GUCY1B1: variants seen among roughly 807,000 people sequenced by gnomAD.
GUCY1B1 encodes the protein guanylate cyclase 1 soluble subunit beta 1, also known as guanylate cyclase soluble subunit beta-1.
Under a neutral mutation model 71.0 loss-of-function variants are expected in GUCY1B1, and 43 were observed. The observed-to-expected ratio is 0.61, with a 90% CI of 0.47 to 0.78. The LOEUF (loss-of-function observed/expected upper bound fraction) is 0.78. GUCY1B1 is among the 30% of genes least tolerant of loss of function. The probability of loss-of-function intolerance (pLI) is 0.00; values close to 1 mark genes in which losing one functional copy is unlikely to be tolerated. For missense variants in GUCY1B1, 535 were observed against 754.1 expected (o/e 0.71, Z 3.40); for synonymous variants, 266 against 259.7 (o/e 1.02, Z -0.23).
At chr4:155,782,183 C>A (rs1332393877) in intron 4 of GUCY1B1, among the ~76,000 whole-genome samples, 1 of 152,146 alleles carries the variant, frequency 6.6e-6, no homozygotes, top group African/African-American at 2.4e-5. Context: ...TCACGCCATT[C>A]TACTGCCTCA....
chr4:155,780,162 T>A (rs938349349), intron 4 of GUCY1B1, among the ~76,000 whole-genome samples: 2 of 152,156 alleles, frequency 1.3e-5, no homozygotes, highest in Non-Finnish European at 2.9e-5. Flanking sequence ...CACTGGAAAC[T>A]GTCAAAATAT....
intron 8 of GUCY1B1, among the ~76,000 whole-genome samples, chr4:155,797,225 G>A (rs898770809): frequency 3.3e-5 from 5 of 152,104 alleles, no homozygotes; most frequent in Non-Finnish European, 7.4e-5. Context: ...TCATAATTTT[G>A]TATAAACAAA....
At chr4:155,759,706 G>A in intron 1 of GUCY1B1, 81 bp from the exon 2 acceptor site, 1 of 966,770 alleles carries the variant, frequency 1.0e-6, no homozygotes, top group Non-Finnish European at 1.6e-6. Context: ...CGCCATGGGA[G>A]CAGAGGCAGC....
chr4:155,768,365 A>G (rs1375441224), intron 2 of GUCY1B1, among the ~76,000 whole-genome samples: 1 of 151,936 alleles, frequency 6.6e-6, no homozygotes, highest in Non-Finnish European at 1.5e-5. Flanking sequence ...GACAAATTGT[A>G]TACCTAGTTT....
rs76851701 is a variant in GUCY1B1 at position 155,772,758 on chromosome 4, T to G, written c.78-2210T>G. On this transcript the variant is annotated intron_variant, in intron 2 of 13. Transcript: ENST00000264424. ...TTTAATGCTTATGTGCTTTATGTGATTTGCTCCGGTTCATTTAGCTGGTAA... is the reference window on the plus strand; with the variant it reads ...TTTAATGCTTATGTGCTTTATGTGAGTTGCTCCGGTTCATTTAGCTGGTAA... 1,893 of 702,506 alleles carry G rather than the reference T, an allele frequency of 2.7e-3. 42 individuals are homozygous for G. In the East Asian group the frequency reaches 0.043, roughly 16 times the overall value. The allele number at this position is 702,506 out of a possible 1,614,324, so 43.5% of individuals were successfully genotyped here.
rs755652156 is a variant in GUCY1B1 at position 155,804,676 on chromosome 4, T to C, written c.1638T>C (p.Thr546=). ...RMPRYCLFGN[T]VNLTSRTETT... ...CTCGATACTGTCTTTTTGGGAATAC[T>C]GTCAACCTCACAAGCCGAACAGAAA... Residue 546 remains threonine, a synonymous_variant, in exon 12 of 14, where the codon ACT becomes ACC. Coordinates refer to ENST00000264424, the MANE Select transcript of GUCY1B1 (RefSeq NM_000857.5). 3.1e-6 allele frequency: 5 copies of C among 1,613,260 alleles called. No homozygotes were observed. Among genetic ancestry groups the C allele is most frequent in the Non-Finnish European group, 4.2e-6 (5 of 1,179,378 alleles).
intron 5 of GUCY1B1, among the ~76,000 whole-genome samples, chr4:155,790,310 CTT>C (rs1201991836): frequency 6.6e-6 from 1 of 152,136 alleles, no homozygotes; most frequent in Non-Finnish European, 1.5e-5. Context: ...ATCATTTTCT[CTT>C]TGTCGATTTT....
chr4:155,786,552 C>G (rs531915418), intron 4 of GUCY1B1, among the ~76,000 whole-genome samples: 2 of 145,688 alleles, frequency 1.4e-5, no homozygotes, highest in Admixed American at 7.1e-5. Flanking sequence ...TCACTGCAAG[C>G]TCCACCTCCC....
Position 155,759,947 on chromosome 4 carries a change from G to T in GUCY1B1, c.77+87G>T, listed in dbSNP as rs1017160715. On this transcript the variant is annotated intron_variant, in intron 2 of 13. Coordinates refer to ENST00000264424, the MANE Select transcript of GUCY1B1 (RefSeq NM_000857.5). ...GCCTCGCCTGGTCCTCAGCCTGCTG[G>T]CCGGGTCGCGGGCGCGCATCCTTGG... is the stretch of plus-strand genomic sequence containing the variant. 5.2e-6 allele frequency: 5 copies of T among 964,762 alleles called. No individual in the cohort carries two copies. The African/African-American group carries it at 6.6e-5, about 13-fold the overall frequency. 59.8% of individuals were successfully genotyped at this position (964,762 alleles called of 1,614,324 possible).
chr4:155,786,865 T>C (rs1738834615), intron 4 of GUCY1B1, among the ~76,000 whole-genome samples: 1 of 152,072 alleles, frequency 6.6e-6, no homozygotes, highest in South Asian at 2.1e-4. Context: ...TGCCTCCGCC[T>C]CCCAAAGTGC....
chr4:155,801,542 C>A (rs972718431), intron 9 of GUCY1B1, among the ~76,000 whole-genome samples: 1 of 152,158 alleles, frequency 6.6e-6, no homozygotes, highest in African/African-American at 2.4e-5. Context: ...ACATTGAGAG[C>A]TCAGCTCCAT....
chr4:155,783,401 C>T (rs2111074737), intron 4 of GUCY1B1, among the ~76,000 whole-genome samples: 1 of 152,254 alleles, frequency 6.6e-6, no homozygotes, highest in Middle Eastern at 3.4e-3. Context: ...TGGGCAAATG[C>T]AATTTTAGAG....
At chr4:155,790,014 C>T in intron 5 of GUCY1B1, 103 bp downstream of exon 5, 1 of 764,540 alleles carries the variant, frequency 1.3e-6, no homozygotes, top group South Asian at 1.8e-5. Flanking sequence ...AGTGCTCTTC[C>T]CTGGAAGTAT....
chr4:155,787,863 A>C (rs1022680083), intron 4 of GUCY1B1, among the ~76,000 whole-genome samples: 1 of 152,134 alleles, frequency 6.6e-6, no homozygotes, highest in Non-Finnish European at 1.5e-5. Context: ...TGTTTTTCTA[A>C]ATTGACCTCT....
chr4:155,797,988 C>T (rs1739681125), intron 8 of GUCY1B1, among the ~76,000 whole-genome samples: 1 of 152,098 alleles, frequency 6.6e-6, no homozygotes, highest in Non-Finnish European at 1.5e-5. Context: ...GTGTTTTCTT[C>T]TTCTGCCTCT....
At chr4:155,779,927 A>G (rs537982712) in intron 4 of GUCY1B1, among the ~76,000 whole-genome samples, 1 of 152,128 alleles carries the variant, frequency 6.6e-6, no homozygotes, top group Non-Finnish European at 1.5e-5. Flanking sequence ...TTTAGATTCT[A>G]TTTCCCAAAT....
At chr4:155,780,505 C>T (rs1040911547) in intron 4 of GUCY1B1, among the ~76,000 whole-genome samples, 1 of 152,172 alleles carries the variant, frequency 6.6e-6, no homozygotes, top group Non-Finnish European at 1.5e-5. Context: ...CATTATCATT[C>T]CCATTTGATG....
At chr4:155,765,809 G>A (rs1036024593) in intron 2 of GUCY1B1, among the ~76,000 whole-genome samples, 1 of 152,084 alleles carries the variant, frequency 6.6e-6, no homozygotes, top group African/African-American at 2.4e-5. Context: ...AAATGTGTCC[G>A]TTTAACACCT....
chr4:155,775,834 A>T (rs192486089), intron 3 of GUCY1B1, among the ~76,000 whole-genome samples: 39 of 151,306 alleles, frequency 2.6e-4, no homozygotes, highest in African/African-American at 9.4e-4. Context: ...TAAAAATTTC[A>T]TGGAGAAGAA....
Sources: gnomAD v4.1 joint callset for allele counts (sites outside exome capture counted in the v4.1 genomes callset) on GRCh38, gnomAD v4.1.1 for gene constraint, MANE v1.5 for transcripts, NCBI Gene and HGNC (gene_info 2026-07-23, HGNC 2026-07-21) for gene names.